Variants in BDNF observed in about 807,000 individuals in gnomAD.
The protein encoded by BDNF is neurotrophic factor BDNF precursor form.
In BDNF, 1 loss-of-function variant was observed where a neutral mutation model predicts 19.5. That is an observed-to-expected ratio of 0.05 (90% CI 0.02 to 0.24). The LOEUF (loss-of-function observed/expected upper bound fraction) is 0.24, where lower values mean the gene tolerates loss of function less well. Among genes scored for constraint, BDNF ranks in the 10% least tolerant of loss-of-function variants. The pLI is 1.00. For synonymous variants in BDNF, 100 were observed against 121.6 expected, an observed-to-expected ratio of 0.82 and a Z score of 1.17; for missense variants, 195 against 317.6, an observed-to-expected ratio of 0.61 and a Z score of 2.93.
intron 1 of BDNF, chr11:27,720,660 C>G (rs1464695533): frequency 1.0e-6 from 1 of 985,374 alleles, no homozygotes; most frequent in Non-Finnish European, 1.2e-6. Flanking sequence ...GTACCGCCAC[C>G]TCGGACAAAT....
In BDNF at chr11:27,658,230, T is replaced by A; in HGVS notation, c.335A>T (p.Glu112Val). ...LEPPLLFLLE[E>V]YKNYLDAANM... ...TGCAGCATCTAGGTAATTTTTGTAT[T>A]CCTCCAGCAGAAAGAGAAGAGGAGG... Residue 112 changes from glutamate to valine, a missense_variant, in exon 2 of 2, where the codon GAA (glutamate) becomes GTA (valine). Around this residue, in one of 2 missense-constraint regions of BDNF, gnomAD observed 124 missense variants for 155.0 expected, o/e 0.80. Transcript: ENST00000356660. The surrounding 1 kb of genome is among the most constrained non-coding windows in gnomAD (Gnocchi z 5.7). The A allele has an allele frequency of 6.2e-7, 1 of 1,613,868 alleles. No homozygotes were observed. The highest frequency in any genetic ancestry group is 8.5e-7 in the Non-Finnish European group (1 of 1,180,010).
At chr11:27,659,133 G>C in intron 1 of BDNF, 4 of 1,003,394 alleles carry the variant, frequency 4.0e-6, no homozygotes, top group Non-Finnish European at 4.8e-6. Flanking sequence ...GAACTATAAG[G>C]AGCCTTTAAA....
At chr11:27,678,556 G>A (rs780468390) in intron 1 of BDNF, among the ~76,000 whole-genome samples, 7 of 152,216 alleles carry the variant, frequency 4.6e-5, no homozygotes, top group Non-Finnish European at 8.8e-5. Context: ...GTAACTGGGA[G>A]CGCACTGTAA....
At chr11:27,704,045 T>TCCCTATTG (rs1487057105), upstream of BDNF, among the ~76,000 whole-genome samples, 1 of 152,196 alleles carries the variant, frequency 6.6e-6, no homozygotes, top group Non-Finnish European at 1.5e-5. Context: ...CAAAATTATT[T>TCCCTATTG]CCCTATTGTG....
chr11:27,704,852 A>G (rs1410446236), upstream of BDNF, among the ~76,000 whole-genome samples: 6 of 152,224 alleles, frequency 3.9e-5, no homozygotes, highest in East Asian at 5.8e-4. Context: ...AACCATAAGA[A>G]TAGCTCAATA....
Position 27,658,027 on chromosome 11 carries a change from A to G in BDNF, c.538T>C (p.Tyr180His). The G allele has an allele frequency of 6.2e-7, 1 of 1,614,076 alleles. No homozygotes were observed. Among genetic ancestry groups the G allele is most frequent in the Non-Finnish European group, 8.5e-7 (1 of 1,180,028 alleles). ...GGATTGCACTTGGTCTCGTAGAAGT[A>G]TTGCTTCAGTTGGCCTTTTGATACA... ...VPVSKGQLKQ[Y>H]FYETKCNPMG... is the part of the protein sequence containing the mutation. Residue 180 changes from tyrosine to histidine, a missense_variant, in exon 2 of 2, where the codon TAC becomes CAC. Tyr to His is a moderately conservative substitution (Grantham distance 83). This residue lies in a region of BDNF where 71 missense variants were observed against 162.6 expected (regional missense o/e 0.44). Coordinates refer to ENST00000356660, the MANE Select transcript of BDNF (RefSeq NM_001709.5). This position sits in a 1 kb window ranked among gnomAD's most constrained non-coding sequence, Gnocchi z 5.7.
At chr11:27,669,020 G>A (rs181912179) in intron 1 of BDNF, among the ~76,000 whole-genome samples, 239 of 152,284 alleles carry the variant, frequency 1.6e-3, no homozygotes, top group African/African-American at 5.7e-3. Context: ...GTAAAATACT[G>A]GCAAACCGAA....
At chr11:27,684,800 C>A (rs1442608362) in intron 1 of BDNF, among the ~76,000 whole-genome samples, 1 of 152,098 alleles carries the variant, frequency 6.6e-6, no homozygotes, top group African/African-American at 2.4e-5. Context: ...ATTCAGTTTA[C>A]CAGTTTTTTA....
chr11:27,657,743 A>G lies in BDNF; in HGVS notation c.*78T>C. The G allele has an allele frequency of 1.3e-6, 2 of 1,577,302 alleles. No individual in the cohort carries two copies. The highest frequency in any genetic ancestry group is 1.7e-6 in the Non-Finnish European group (2 of 1,163,320). On this transcript the variant is annotated 3_prime_UTR_variant, in exon 2 of 2. Coordinates refer to ENST00000356660, the MANE Select transcript of BDNF (RefSeq NM_001709.5). The surrounding 1 kb of genome is among the most constrained non-coding windows in gnomAD (Gnocchi z 5.0). ...ATAAAATTATTTTTTTCTTAACTGA[A>G]TAATTTACCCTGTTATGTATATATA... is the stretch of plus-strand genomic sequence containing the variant.
intron 1 of BDNF, chr11:27,719,811 A>AT (rs954559040): frequency 4.1e-6 from 1 of 241,342 alleles, no homozygotes; most frequent in African/African-American, 2.3e-5. Flanking sequence ...GAGAGAATGA[A>AT]TCCTTCTCAC....
At chr11:27,687,238 C>G (rs1857598121) in intron 1 of BDNF, among the ~76,000 whole-genome samples, 1 of 152,120 alleles carries the variant, frequency 6.6e-6, no homozygotes, top group African/African-American at 2.4e-5. Flanking sequence ...AGTTCTCGTG[C>G]TGTGTTTTTC....
Position 27,687,342 on chromosome 11 carries a change from T to A in BDNF, c.-22+12822A>T, listed in dbSNP as rs141086124. On this transcript the variant is annotated intron_variant, in intron 1 of 1. Coordinates refer to ENST00000356660, the MANE Select transcript of BDNF (RefSeq NM_001709.5). ...TTCAAGGTTCTTAGCTTCTTTGCAT[T>A]GGGTTAGAGCATGCTCCTTTAGCTT... 4.9e-4 allele frequency among the ~76,000 whole-genome samples: 75 copies of A among 152,326 alleles called. No homozygotes were observed. The East Asian group carries it at 0.013, about 25-fold the overall frequency.
chr11:27,681,104 C>T (rs1198802720), intron 1 of BDNF, among the ~76,000 whole-genome samples: 2 of 152,148 alleles, frequency 1.3e-5, no homozygotes, highest in African/African-American at 4.8e-5. Context: ...TATTAGGAAG[C>T]AAGTTCCCTT....
intron 1 of BDNF, among the ~76,000 whole-genome samples, chr11:27,672,021 A>G (rs1855463893): frequency 1.3e-5 from 2 of 152,188 alleles, no homozygotes; most frequent in African/African-American, 4.8e-5. Context: ...CTTTGGTTCA[A>G]CTTGTTTTAT....
chr11:27,703,622 C>T (rs1291758361), upstream of BDNF, among the ~76,000 whole-genome samples: 1 of 152,198 alleles, frequency 6.6e-6, no homozygotes, highest in East Asian at 1.9e-4. Context: ...GGCCAATCTT[C>T]TTATTCCTAC....
At position 27,656,996 on chromosome 11, in the gene BDNF, T is replaced by C; in HGVS notation, c.*825A>G. 1 of 985,356 alleles carries C rather than the reference T, an allele frequency of 1.0e-6. No homozygotes were observed. The highest frequency in any genetic ancestry group is 4.7e-5 in the South Asian group (1 of 21,280). The allele number at this position is 985,356 out of a possible 1,614,324, so 61.0% of individuals were successfully genotyped here. A position where few individuals can be genotyped will look rare whatever the true frequency, so the allele number is the denominator to read the frequency against. On this transcript the variant is annotated 3_prime_UTR_variant, in exon 2 of 2. Transcript: ENST00000356660. ...TGTGTTCTGAGCAAACATAGGTCCT[T>C]CCGTCAAAAGCAGCTTACTCTGACC... is the stretch of plus-strand genomic sequence containing the variant.
intron 1 of BDNF, chr11:27,721,402 T>C: frequency 6.2e-7 from 1 of 1,614,126 alleles, no homozygotes; most frequent in Non-Finnish European, 8.5e-7. Context: ...CAGGTTTTAT[T>C]GCTACTCACC....
intron 1 of BDNF, among the ~76,000 whole-genome samples, chr11:27,710,064 A>G (rs1040411316): frequency 3.3e-5 from 5 of 152,300 alleles, no homozygotes; most frequent in Admixed American, 2.6e-4. Flanking sequence ...TCATACATCA[A>G]AATGTCCTTC....
At position 27,667,175 on chromosome 11, in the gene BDNF, T is replaced by A. The variant is rs1307075880; in HGVS notation, c.-21-8590A>T. ...TCATATCCAGCCAAACTAAGCTTCATAAGTGAAGGAGAAATAAAATCCTTT... is the reference window on the plus strand; with the variant it reads ...TCATATCCAGCCAAACTAAGCTTCAAAAGTGAAGGAGAAATAAAATCCTTT... On this transcript the variant is annotated intron_variant, in intron 1 of 1. Transcript: ENST00000356660. Among the ~76,000 whole-genome samples the A allele has an allele frequency of 3.3e-5, 5 of 152,070 alleles. No homozygotes were observed. In the South Asian group the frequency reaches 1.0e-3, roughly 32 times the overall value.
Sources: allele counts gnomAD v4.1 joint callset (sites outside exome capture counted in the v4.1 genomes callset), GRCh38; gene constraint gnomAD v4.1.1; regional missense constraint gnomAD v4.1.1; non-coding constraint Gnocchi (gnomAD v3.1); transcripts MANE v1.5; gene names NCBI Gene and HGNC (gene_info 2026-07-23, HGNC 2026-07-21).